Variants in HMG20B observed in about 807,000 individuals in gnomAD.
HMG20B encodes the protein SWI/SNF-related matrix-associated actin-dependent regulator of chromatin subfamily E member 1-related.
In HMG20B, 24 loss-of-function variants were observed where a neutral mutation model predicts 41.6. The observed-to-expected ratio is 0.58, with a 90% confidence interval of 0.42 to 0.81. The LOEUF is 0.81. HMG20B is among the 30% of genes least tolerant of loss of function. The pLI, the probability that HMG20B is intolerant of heterozygous loss-of-function variation, is 0.00. For synonymous variants in HMG20B, 251 were observed against 186.6 expected, an observed-to-expected ratio of 1.34 and a Z score of -2.81; for missense variants, 461 against 444.0, an observed-to-expected ratio of 1.04 and a Z score of -0.34.
At chr19:3,577,191 C>G in intron 8 of HMG20B, 84 bp downstream of exon 8, 1 of 1,058,076 alleles carries the variant, frequency 9.5e-7, no homozygotes, top group Non-Finnish European at 1.3e-6. Flanking sequence ...CCCCCCTTCC[C>G]CTGTCGCCCG....
At chr19:3,573,989 G>A (rs1160434857) in intron 3 of HMG20B, 189 bp downstream of exon 3, 2 of 703,920 alleles carry the variant, frequency 2.8e-6, no homozygotes, top group South Asian at 3.0e-5. Context: ...TCCAGGCCCC[G>A]CCCACCGCAC....
At chr19:3,577,680 A>G (rs1481920602) in intron 8 of HMG20B, among the ~76,000 whole-genome samples, 5 of 64,314 alleles carry the variant, frequency 7.8e-5, no homozygotes, top group African/African-American at 3.0e-4. Flanking sequence ...GTCACGTCCC[A>G]CGCGACCCCA....
intron 7 of HMG20B, 77 bp from the exon 8 acceptor site, chr19:3,576,815 G>A: frequency 6.7e-7 from 1 of 1,485,282 alleles, no homozygotes; most frequent in Admixed American, 2.0e-5. Flanking sequence ...AACCTGGGCA[G>A]GGGCACGTCC....
intron 3 of HMG20B, chr19:3,574,170 T>G: frequency 1.6e-6 from 1 of 609,340 alleles, no homozygotes; most frequent in Non-Finnish European, 2.9e-6. Context: ...CGGCCCATAG[T>G]TCCTCAGATC....
chr19:3,577,627 C>G (rs1407228320), intron 8 of HMG20B, among the ~76,000 whole-genome samples: 1 of 129,038 alleles, frequency 7.7e-6, no homozygotes, highest in Non-Finnish European at 1.7e-5. Context: ...TCACCCATCC[C>G]TCCCCACGCC....
intron 4 of HMG20B, 72 bp from the exon 5 acceptor site, chr19:3,575,468 G>A: frequency 6.5e-7 from 1 of 1,544,886 alleles, no homozygotes. Context: ...TGCTGTGAAA[G>A]CAGAGTGATA....
intron 8 of HMG20B, 34 bp downstream of exon 8, chr19:3,577,141 G>T: frequency 7.4e-7 from 1 of 1,342,412 alleles, no homozygotes; most frequent in Non-Finnish European, 9.6e-7. Flanking sequence ...GTCCCGCCCC[G>T]GTCACCCGGC....
Position 3,579,057 on chromosome 19 carries a change from TA to T in HMG20B, c.*541del. The T allele has an allele frequency of 3.0e-6, 1 of 334,326 alleles. No homozygotes were observed. Among genetic ancestry groups the T allele is most frequent in the Non-Finnish European group, 5.9e-6 (1 of 168,264 alleles). The allele number at this position is 334,326 out of a possible 1,614,324, so 20.7% of individuals were successfully genotyped here. A position where few individuals can be genotyped will look rare whatever the true frequency, so the allele number is the denominator to read the frequency against. Reference sequence around the variant, plus strand: ...CACTGCTGGATCCGGACTTTTTAAATAAAAACAAGTAAAATTTGTGTTTTAA... The same window carrying T: ...CACTGCTGGATCCGGACTTTTTAAATAAAACAAGTAAAATTTGTGTTTTAA... On this transcript the variant is annotated 3_prime_UTR_variant, in exon 10 of 10. Coordinates refer to ENST00000333651, the MANE Select transcript of HMG20B (RefSeq NM_006339.3). The surrounding 1 kb of genome is among the most constrained non-coding windows in gnomAD (Gnocchi z 7.4).
At chr19:3,575,989 C>T in intron 5 of HMG20B, 4 of 557,532 alleles carry the variant, frequency 7.2e-6, no homozygotes, top group East Asian at 5.9e-5. Flanking sequence ...TGGGAGGGGC[C>T]GGTGCGAGCA....
rs1599856027 is a variant in HMG20B at position 3,576,411 on chromosome 19, GCGGTGCCACTGCACCGTGGGAT to G, written c.519+107_520-118del. On this transcript the variant is annotated intron_variant, in intron 6 of 9. Transcript: ENST00000333651. The stretch of plus-strand genomic sequence containing the variant: ...CTCGCCCAGATGTGTGCAAGCAGGG[GCGGTGCCACTGCACCGTGGGAT>G]CGCTGTTGATTGTACTCCCACCGGG... 2.9e-6 allele frequency: 4 copies of G among 1,373,114 alleles called. No homozygotes were observed. In the East Asian group the frequency reaches 9.2e-5, roughly 32 times the overall value. The allele number at this position is 1,373,114 out of a possible 1,614,324, so 85.1% of individuals were successfully genotyped here. A position where few individuals can be genotyped will look rare whatever the true frequency, so the allele number is the denominator to read the frequency against.
intron 3 of HMG20B, chr19:3,574,013 C>T (rs907153453): frequency 2.9e-6 from 2 of 696,674 alleles, no homozygotes; most frequent in Non-Finnish European, 5.2e-6. Flanking sequence ...GCCAGCTCTG[C>T]CCACTCTAAG....
At chr19:3,578,432 C>G (rs2032221256) in intron 9 of HMG20B, 77 bp from the exon 10 acceptor site, 1 of 1,453,972 alleles carries the variant, frequency 6.9e-7, no homozygotes, top group South Asian at 1.5e-5. Context: ...GGGCCATGGT[C>G]TCTGGGGTTC....
At chr19:3,577,907 C>G in intron 8 of HMG20B, 74 bp from the exon 9 acceptor site, 1 of 1,397,368 alleles carries the variant, frequency 7.2e-7, no homozygotes, top group Non-Finnish European at 9.6e-7. Flanking sequence ...TGAGTCACCC[C>G]CTACCGCTGC....
Position 3,578,023 on chromosome 19 carries a change from T to G in HMG20B, c.851T>G (p.Met284Arg), listed in dbSNP as rs1363664621. 6.2e-7 allele frequency: 1 copy of G among 1,608,688 alleles called. No homozygotes were observed. The highest frequency in any genetic ancestry group is 8.5e-7 in the Non-Finnish European group (1 of 1,178,628). ...TPTLGTLDFY[M>R]ARLHGAIERD... ...ACGCTGGGCACTCTGGACTTCTACATGGCCCGGCTTCACGGAGCCATCGAG... is the reference window on the plus strand; with the variant it reads ...ACGCTGGGCACTCTGGACTTCTACAGGGCCCGGCTTCACGGAGCCATCGAG... Residue 284 changes from methionine to arginine, a missense_variant, in exon 9 of 10, where the codon ATG becomes AGG. Coordinates refer to ENST00000333651, the MANE Select transcript of HMG20B (RefSeq NM_006339.3).
chr19:3,576,911 G>A lies in HMG20B; in HGVS notation c.612G>A (p.Arg204=). Residue 204 remains arginine, a synonymous_variant, in exon 8 of 10, where the codon CGG becomes CGA. Coordinates refer to ENST00000333651, the MANE Select transcript of HMG20B (RefSeq NM_006339.3). ...GCGCAGCGCGTGAGGCGGAGCTTCGGCGCTTGCGGAAGATGAATGTGGCCT... is the reference window on the plus strand; with the variant it reads ...GCGCAGCGCGTGAGGCGGAGCTTCGACGCTTGCGGAAGATGAATGTGGCCT... The part of the protein sequence containing the change: ...DQNKAREAEL[R]RLRKMNVAFE... 1 of 1,576,298 alleles carries A rather than the reference G, an allele frequency of 6.3e-7. No individual in the cohort carries two copies. Among genetic ancestry groups the A allele is most frequent in the Non-Finnish European group, 8.6e-7 (1 of 1,162,710 alleles).
chr19:3,574,688 C>G (rs972629868), intron 4 of HMG20B, 102 bp downstream of exon 4: 22 of 1,115,202 alleles, frequency 2.0e-5, no homozygotes, highest in Non-Finnish European at 2.7e-5. Context: ...TTTCCTTCTT[C>G]CTGGAGAAAT....
rs539819600 is a variant in HMG20B at position 3,576,798 on chromosome 19, T to G, written c.593-94T>G. 55 of 1,411,614 alleles carry G rather than the reference T, an allele frequency of 3.9e-5. No individual in the cohort carries two copies. The African/African-American group carries it at 7.3e-4, about 19-fold the overall frequency. The allele number at this position is 1,411,614 out of a possible 1,614,324, so 87.4% of individuals were successfully genotyped here. On this transcript the variant is annotated intron_variant, in intron 7 of 9. Transcript: ENST00000333651. ...GTGGAGCAGGAGGCAGAGGGCGCAG[T>G]GAGGGAAACCTGGGCAGGGGCACGT...
At chr19:3,577,372 C>T (rs2032193345) in intron 8 of HMG20B, among the ~76,000 whole-genome samples, 1 of 149,086 alleles carries the variant, frequency 6.7e-6, no homozygotes. Context: ...CGTTACTCGG[C>T]CGGCTCCCTG....
chr19:3,573,019 G>A, intron 1 of HMG20B, 25 bp downstream of exon 1: 3 of 391,684 alleles, frequency 7.7e-6, no homozygotes, highest in Non-Finnish European at 1.4e-5. Flanking sequence ...GGAACTCCGG[G>A]CCCTGAGAGG....
Sources: gnomAD v4.1 joint callset for allele counts (sites outside exome capture counted in the v4.1 genomes callset) on GRCh38, gnomAD v4.1.1 for gene constraint, Gnocchi (gnomAD v3.1) non-coding constraint, MANE v1.5 for transcripts, NCBI Gene and HGNC (gene_info 2026-07-23, HGNC 2026-07-21) for gene names.